TAAR5: variants seen among roughly 807,000 people sequenced by gnomAD.
TAAR5 encodes the protein trace amine associated receptor 5.
A neutral mutation model predicts 21.1 loss-of-function variants in TAAR5; 27 were observed. The ratio of observed to expected loss-of-function variants is 1.28; its 90% CI spans 0.94 to 1.76. The LOEUF (loss-of-function observed/expected upper bound fraction) is 1.76, where lower values mean the gene tolerates loss of function less well. TAAR5 is among the 40% of genes most tolerant of loss of function. The probability of loss-of-function intolerance (pLI) is 0.00; values close to 1 mark genes in which losing one functional copy is unlikely to be tolerated. For missense variants in TAAR5, 495 were observed against 405.6 expected (o/e 1.22, Z -1.89); for synonymous variants, 203 against 167.5 (o/e 1.21, Z -1.64).
chr6:132,613,561 C>T, the TAAR5 span, among the ~76,000 whole-genome samples: 1 of 152,106 alleles, frequency 6.6e-6, no homozygotes, highest in Non-Finnish European at 1.5e-5. Flanking sequence ...CCTTTTCCTC[C>T]TCAAGTTTTA....
chr6:132,590,889 T>G (rs1776896389), upstream of TAAR5, among the ~76,000 whole-genome samples: 1 of 152,228 alleles, frequency 6.6e-6, no homozygotes, highest in African/African-American at 2.4e-5. Context: ...AGTGAGTTTC[T>G]TATTTTTCTT....
chr6:132,591,620 C>A (rs1249799471), upstream of TAAR5, among the ~76,000 whole-genome samples: 1 of 152,172 alleles, frequency 6.6e-6, no homozygotes, highest in Non-Finnish European at 1.5e-5. Context: ...ACCCCTTTAG[C>A]TTAAAAGTCA....
chr6:132,613,988 T>C, the TAAR5 span, among the ~76,000 whole-genome samples: 1 of 152,236 alleles, frequency 6.6e-6, no homozygotes, highest in African/African-American at 2.4e-5. Flanking sequence ...AAATTATAAT[T>C]TCCTTTCAGT....
chr6:132,614,480 A>C, the TAAR5 span, among the ~76,000 whole-genome samples: 1 of 151,338 alleles, frequency 6.6e-6, no homozygotes, highest in African/African-American at 2.5e-5. Context: ...TTTATAAAAT[A>C]CAACTATCAC....
chr6:132,597,942 C>CT, the TAAR5 span, among the ~76,000 whole-genome samples: 1 of 152,228 alleles, frequency 6.6e-6, no homozygotes, highest in Non-Finnish European at 1.5e-5. Context: ...TTATGCAATA[C>CT]TTTTTTTCTC....
the TAAR5 span, among the ~76,000 whole-genome samples, chr6:132,595,834 G>T: frequency 2.6e-5 from 4 of 152,190 alleles, no homozygotes; most frequent in African/African-American, 7.2e-5. Flanking sequence ...CAAGGATTAT[G>T]AAGAACTGTG....
At chr6:132,598,225 T>A in the TAAR5 span, among the ~76,000 whole-genome samples, 1 of 152,182 alleles carries the variant, frequency 6.6e-6, no homozygotes, top group Non-Finnish European at 1.5e-5. Flanking sequence ...GGGAAATTAT[T>A]GGTAAATTAG....
chr6:132,592,565 G>A (rs1776921802), upstream of TAAR5, among the ~76,000 whole-genome samples: 1 of 152,194 alleles, frequency 6.6e-6, no homozygotes, highest in Non-Finnish European at 1.5e-5. Context: ...GGGCCTGGTG[G>A]GAGGTGCTTG....
the TAAR5 span, among the ~76,000 whole-genome samples, chr6:132,605,639 C>T: frequency 6.6e-5 from 10 of 152,230 alleles, no homozygotes; most frequent in African/African-American, 2.4e-4. Flanking sequence ...CACAAACATA[C>T]ACACTGTGAA....
the TAAR5 span, chr6:132,608,372 T>G: frequency 4.4e-6 from 2 of 455,760 alleles, no homozygotes; most frequent in African/African-American, 2.0e-5. Flanking sequence ...GGGTTGCAAG[T>G]AGAGTTGAAG....
the TAAR5 span, chr6:132,609,110 A>G: frequency 1.1e-5 from 5 of 436,500 alleles, no homozygotes; most frequent in Non-Finnish European, 1.8e-5. Flanking sequence ...TTGAAATGCG[A>G]TATGGAAACC....
the TAAR5 span, among the ~76,000 whole-genome samples, chr6:132,597,320 A>G: frequency 6.6e-6 from 1 of 152,164 alleles, no homozygotes; most frequent in African/African-American, 2.4e-5. Flanking sequence ...GTTTAAAATT[A>G]TTACATGGGT....
upstream of TAAR5, among the ~76,000 whole-genome samples, chr6:132,591,504 C>A (rs926036337): frequency 1.3e-5 from 2 of 152,128 alleles, no homozygotes; most frequent in East Asian, 3.9e-4. Flanking sequence ...GCCTGGCTAC[C>A]GCTGGAATCT....
At chr6:132,611,377 A>C in the TAAR5 span, among the ~76,000 whole-genome samples, 1 of 152,128 alleles carries the variant, frequency 6.6e-6, no homozygotes, top group African/African-American at 2.4e-5. Flanking sequence ...GTAGCACATT[A>C]GGGTGATTAT....
the TAAR5 span, among the ~76,000 whole-genome samples, chr6:132,615,146 C>G: frequency 5.9e-5 from 9 of 151,996 alleles, no homozygotes; most frequent in African/African-American, 2.2e-4. Context: ...ACAGGCATCT[C>G]TGTGTGTTTT....
chr6:132,608,402 G>T, the TAAR5 span: 67 of 455,870 alleles, frequency 1.5e-4, 1 homozygote, highest in South Asian at 9.8e-4. Context: ...CACACTAAAA[G>T]ATCCAATATT....
At chr6:132,591,522 T>A (rs1202128381), upstream of TAAR5, among the ~76,000 whole-genome samples, 1 of 152,222 alleles carries the variant, frequency 6.6e-6, no homozygotes, top group Non-Finnish European at 1.5e-5. Flanking sequence ...TCTTGCCTTA[T>A]GCCAGCTTCA....
At chr6:132,608,368 C>T in the TAAR5 span, 2 of 455,878 alleles carry the variant, frequency 4.4e-6, no homozygotes, top group South Asian at 3.1e-5. Context: ...AAGAGGGTTG[C>T]AAGTAGAGTT....
At chr6:132,594,884 T>C in the TAAR5 span, 1 of 152,164 alleles carries the variant, frequency 6.6e-6, no homozygotes, top group African/African-American at 2.4e-5. Context: ...GTGCAATCAA[T>C]GGCTGCAACA....
Sources: allele counts gnomAD v4.1 joint callset (sites outside exome capture counted in the v4.1 genomes callset), GRCh38; gene constraint gnomAD v4.1.1; transcripts MANE v1.5; gene names NCBI Gene and HGNC (gene_info 2026-07-23, HGNC 2026-07-21).